Variants in GRID1 observed in about 807,000 individuals in gnomAD.
GRID1 encodes glutamate receptor ionotropic, delta-1.
Under a neutral mutation model 98.0 loss-of-function variants are expected in GRID1, and 28 were observed. The ratio of observed to expected loss-of-function variants is 0.29; its 90% CI spans 0.21 to 0.39. GRID1 has a LOEUF of 0.39. GRID1 is among the 10% of genes least tolerant of loss of function. GRID1 has a pLI of 1.00. For synonymous variants in GRID1, 553 were observed against 538.5 expected (o/e 1.03, Z -0.37); for missense variants, 1,111 against 1,340.5 (o/e 0.83, Z 2.67).
At chr10:85,629,712 A>T (rs569165204) in intron 13 of GRID1, among the ~76,000 whole-genome samples, 2 of 152,262 alleles carry the variant, frequency 1.3e-5, no homozygotes, top group Non-Finnish European at 2.9e-5. Context: ...TTTTTGATAT[A>T]ATTTTCTTTG....
intron 12 of GRID1, among the ~76,000 whole-genome samples, chr10:85,650,865 T>C (rs17105752): frequency 0.067 from 10,190 of 152,248 alleles, 429 homozygotes; most frequent in African/African-American, 0.12. Context: ...GCCAAAAATA[T>C]GTAGGTGATG....
intron 12 of GRID1, among the ~76,000 whole-genome samples, chr10:85,696,569 T>C (rs1841395972): frequency 6.6e-6 from 1 of 152,116 alleles, no homozygotes; most frequent in East Asian, 1.9e-4. Context: ...TTATTTTTCT[T>C]GGTTAGTCTT....
At chr10:85,727,296 C>T (rs1040725820) in intron 10 of GRID1, among the ~76,000 whole-genome samples, 3 of 152,006 alleles carry the variant, frequency 2.0e-5, no homozygotes, top group Non-Finnish European at 4.4e-5. Context: ...GGGAAATGAC[C>T]CAGTGTCATG....
rs530846115 is a variant in GRID1 at position 86,332,404 on chromosome 10, C to T, written c.235+31537G>A. 5.9e-5 allele frequency among the ~76,000 whole-genome samples: 9 copies of T among 152,204 alleles called. No individual in the cohort carries two copies. The East Asian group carries it at 9.7e-4, about 16-fold the overall frequency. ...CCAACCCTCTCCCTGCAGCTCAGAA[C>T]GCCTCTGAAGGGCCACTCAGCCTCA... is the stretch of plus-strand genomic sequence containing the variant. On this transcript the variant is annotated intron_variant, in intron 2 of 15. Coordinates refer to ENST00000327946, the MANE Select transcript of GRID1 (RefSeq NM_017551.3).
intron 8 of GRID1, among the ~76,000 whole-genome samples, chr10:85,830,200 C>T (rs1410013342): frequency 6.6e-6 from 1 of 152,082 alleles, no homozygotes; most frequent in Non-Finnish European, 1.5e-5. Context: ...CAGAAACAAG[C>T]AATGGGGGAG....
chr10:85,757,648 G>A (rs781035681), intron 8 of GRID1, among the ~76,000 whole-genome samples: 13 of 152,188 alleles, frequency 8.5e-5, no homozygotes, highest in Non-Finnish European at 1.3e-4. Context: ...CACTAAAGAC[G>A]AGGAACAGGA....
At chr10:86,121,250 G>A (rs1426659649) in intron 4 of GRID1, among the ~76,000 whole-genome samples, 1 of 150,844 alleles carries the variant, frequency 6.6e-6, no homozygotes. Flanking sequence ...CTGTGCTTTG[G>A]CTCTGTCCCT....
intron 2 of GRID1, among the ~76,000 whole-genome samples, chr10:86,229,833 T>C (rs2132035169): frequency 6.6e-6 from 1 of 152,218 alleles, no homozygotes; most frequent in Non-Finnish European, 1.5e-5. Context: ...CACCTCTCCT[T>C]CAGATGACCT....
At chr10:86,256,308 A>G (rs1254756309) in intron 2 of GRID1, among the ~76,000 whole-genome samples, 1 of 152,166 alleles carries the variant, frequency 6.6e-6, no homozygotes, top group Non-Finnish European at 1.5e-5. Flanking sequence ...TGCTAAGATG[A>G]TATCAATGTC....
intron 2 of GRID1, among the ~76,000 whole-genome samples, chr10:86,220,331 G>C (rs1846234813): frequency 6.6e-6 from 1 of 152,136 alleles, no homozygotes; most frequent in Non-Finnish European, 1.5e-5. Context: ...GAACTACCCG[G>C]ACTCGAATCC....
At chr10:86,244,809 A>C (rs1028981623) in intron 2 of GRID1, among the ~76,000 whole-genome samples, 20 of 152,270 alleles carry the variant, frequency 1.3e-4, no homozygotes, top group Admixed American at 1.3e-3. Context: ...ATATCCTCAG[A>C]GATGTAAATT....
Position 85,990,850 on chromosome 10 carries a change from T to A in GRID1, c.727-74611A>T, listed in dbSNP as rs554710112. Reference sequence around the variant, plus strand: ...GTTAGACAATCGGAAACCAATAGAATAAAAATATAAAGACTTTTTTTTTCC... The same window carrying A: ...GTTAGACAATCGGAAACCAATAGAAAAAAAATATAAAGACTTTTTTTTTCC... On this transcript the variant is annotated intron_variant, in intron 4 of 15. Transcript: ENST00000327946. 6.6e-5 allele frequency among the ~76,000 whole-genome samples: 10 copies of A among 151,930 alleles called. 1 individual carries two copies. The South Asian group carries it at 1.9e-3, about 28-fold the overall frequency.
chr10:86,282,951 G>A (rs568530180), intron 2 of GRID1, among the ~76,000 whole-genome samples: 54 of 152,196 alleles, frequency 3.5e-4, no homozygotes, highest in South Asian at 2.3e-3. Flanking sequence ...ACCTCTCCCC[G>A]GTGGCATAAG....
At chr10:86,295,354 G>A (rs944910594) in intron 2 of GRID1, among the ~76,000 whole-genome samples, 3 of 152,192 alleles carry the variant, frequency 2.0e-5, no homozygotes, top group East Asian at 1.9e-4. Context: ...GGAGGCGGAC[G>A]GATGGGATGT....
At chr10:86,087,307 T>C (rs1844074337) in intron 4 of GRID1, among the ~76,000 whole-genome samples, 1 of 151,886 alleles carries the variant, frequency 6.6e-6, no homozygotes, top group African/African-American at 2.4e-5. Context: ...TATGCCAGTA[T>C]ATGGCATGAA....
intron 2 of GRID1, among the ~76,000 whole-genome samples, chr10:86,345,554 C>T (rs1469592591): frequency 6.6e-6 from 1 of 152,194 alleles, no homozygotes; most frequent in Non-Finnish European, 1.5e-5. Context: ...GAATGGTACG[C>T]GCTGCACCTG....
At chr10:85,933,572 A>G (rs1841887724) in intron 4 of GRID1, among the ~76,000 whole-genome samples, 1 of 152,198 alleles carries the variant, frequency 6.6e-6, no homozygotes, top group Admixed American at 6.5e-5. Context: ...CTCTGCTCCA[A>G]TCTTCAGGCC....
At chr10:85,838,866 C>G (rs1030171157) in intron 8 of GRID1, among the ~76,000 whole-genome samples, 1 of 151,938 alleles carries the variant, frequency 6.6e-6, no homozygotes, top group Non-Finnish European at 1.5e-5. Flanking sequence ...GGATAAAGAA[C>G]CAAGATCCAT....
chr10:86,036,636 G>A (rs1843265916), intron 4 of GRID1, among the ~76,000 whole-genome samples: 1 of 152,214 alleles, frequency 6.6e-6, no homozygotes, highest in Non-Finnish European at 1.5e-5. Context: ...AAAGGCTTCA[G>A]TGCCACCTTG....
Sources: allele counts gnomAD v4.1 joint callset (sites outside exome capture counted in the v4.1 genomes callset), GRCh38; gene constraint gnomAD v4.1.1; transcripts MANE v1.5; gene names NCBI Gene and HGNC (gene_info 2026-07-23, HGNC 2026-07-21).